Variants in UBR4 observed in about 807,000 individuals in gnomAD.
UBR4 encodes the protein ubiquitin protein ligase E3 component n-recognin 4, also known as E3 ubiquitin-protein ligase UBR4.
Under a neutral mutation model 575.6 loss-of-function variants are expected in UBR4, and 124 were observed. The observed-to-expected ratio is 0.22, with a 90% CI of 0.19 to 0.25. UBR4 has a LOEUF of 0.25. Among genes scored for constraint, UBR4 ranks in the 10% least tolerant of loss-of-function variants. The pLI is 1.00. For synonymous variants in UBR4, 2,455 were observed against 2,473.7 expected, an observed-to-expected ratio of 0.99 and a Z score of 0.22; for missense variants, 4,818 against 6,478.8, an observed-to-expected ratio of 0.74 and a Z score of 8.80.
intron 8 of UBR4, 75 bp downstream of exon 8, chr1:19,197,063 CAGG>C (rs2092500948): frequency 6.5e-7 from 1 of 1,541,436 alleles, no homozygotes; most frequent in Non-Finnish European, 8.8e-7. Context: ...GTAGAGTATT[CAGG>C]AGGATTTTCA....
intron 52 of UBR4, among the ~76,000 whole-genome samples, chr1:19,146,289 A>T (rs2084858846): frequency 1.3e-5 from 2 of 152,202 alleles, no homozygotes; most frequent in Non-Finnish European, 2.9e-5. Flanking sequence ...TATTAAAAGG[A>T]GGAACAGAAT....
In UBR4 at chr1:19,150,224, A is replaced by C. The variant is rs184463720; in HGVS notation, c.7430+353T>G. Reference sequence around the variant, plus strand: ...GAAAAGATGATGAGCTCAGAATGGAAGGGAGGATGTTTTCCTATCATTTCA... The same window carrying C: ...GAAAAGATGATGAGCTCAGAATGGACGGGAGGATGTTTTCCTATCATTTCA... On this transcript the variant is annotated intron_variant, in intron 49 of 105. Transcript: ENST00000375254. Among the ~76,000 whole-genome samples the C allele has an allele frequency of 4.6e-5, 7 of 152,284 alleles. No homozygotes were observed. The East Asian group carries it at 1.4e-3, about 30-fold the overall frequency.
At chr1:19,145,257 C>G (rs2084682667) in intron 53 of UBR4, among the ~76,000 whole-genome samples, 1 of 152,160 alleles carries the variant, frequency 6.6e-6, no homozygotes, top group African/African-American at 2.4e-5. Flanking sequence ...CAGGTGATGA[C>G]AAAACATGAC....
At chr1:19,078,314 G>T (rs182217805) in intron 103 of UBR4, 1 of 431,698 alleles carries the variant, frequency 2.3e-6, no homozygotes, top group Admixed American at 3.8e-5. Flanking sequence ...TCATCTTCCA[G>T]ATCAGGGTAA....
chr1:19,075,954 C>T (rs548688104), intron 105 of UBR4, among the ~76,000 whole-genome samples: 1 of 152,292 alleles, frequency 6.6e-6, no homozygotes, highest in South Asian at 2.1e-4. Context: ...GTTACCTGTG[C>T]GTTGGCTCTG....
Position 19,088,492 on chromosome 1 carries a change from G to A in UBR4, c.14430+267C>T, listed in dbSNP as rs952620635. Among the ~76,000 whole-genome samples, 3 of 152,174 alleles carry A rather than the reference G, an allele frequency of 2.0e-5. No individual in the cohort carries two copies. Among genetic ancestry groups the A allele is most frequent in the Non-Finnish European group, 2.9e-5 (2 of 68,040 alleles). On this transcript the variant is annotated intron_variant, in intron 98 of 105. Coordinates refer to ENST00000375254, the MANE Select transcript of UBR4 (RefSeq NM_020765.3). The surrounding 1 kb of genome is among the most constrained non-coding windows in gnomAD (Gnocchi z 4.0). ...CAATATCAACCTCCTAGAACTACTT[G>A]AGGGCTTAAATAAGTCCTCAATAAA...
intron 34 of UBR4, 92 bp downstream of exon 34, chr1:19,163,672 G>C (rs894193397): frequency 7.4e-7 from 1 of 1,359,346 alleles, no homozygotes; most frequent in African/African-American, 1.4e-5. Context: ...GCCAGGCACA[G>C]AACTCAATAG....
At chr1:19,078,470 G>C (rs2076175961) in intron 103 of UBR4, 1 of 170,068 alleles carries the variant, frequency 5.9e-6, no homozygotes, top group Admixed American at 5.7e-5. Flanking sequence ...AATGAGGTAG[G>C]AAACAAGGTT....
chr1:19,174,124 C>CA (rs893599655), intron 22 of UBR4, among the ~76,000 whole-genome samples, 195 bp downstream of exon 22: 38 of 152,036 alleles, frequency 2.5e-4, no homozygotes, highest in African/African-American at 8.0e-4. Context: ...CAATGGTAAC[C>CA]AAAAAAATGC....
intron 68 of UBR4, among the ~76,000 whole-genome samples, chr1:19,120,662 C>T (rs1326383823): frequency 1.3e-5 from 2 of 152,184 alleles, no homozygotes; most frequent in South Asian, 2.1e-4. Flanking sequence ...TACAGTGACA[C>T]TGGAGGAGGA....
Position 19,117,965 on chromosome 1 carries a change from G to A in UBR4, c.10542-55C>T. 1.9e-6 allele frequency: 3 copies of A among 1,550,450 alleles called. 1 individual carries two copies. The South Asian group carries it at 3.4e-5, about 17-fold the overall frequency. On this transcript the variant is annotated intron_variant, in intron 71 of 105. Transcript: ENST00000375254. This position sits in a 1 kb window ranked among gnomAD's most constrained non-coding sequence, Gnocchi z 4.0. ...ACATTTTCATCTTAGGAAGCACTGA[G>A]TTTCACAAAAAAATCATGACAAAGC...
At position 19,084,687 on chromosome 1, in the gene UBR4, TA is replaced by T; in HGVS notation, c.14824del (p.Tyr4942ThrfsTer48). 6.2e-7 allele frequency: 1 copy of T among 1,609,780 alleles called. No homozygotes were observed. The highest frequency in any genetic ancestry group is 8.5e-7 in the Non-Finnish European group (1 of 1,177,012). ...FATCLARHNT[Y>X]LQECTGQREP... ...CCGCTGGCCTGTACATTCCTGGAGG[TA>T]AGTGTTGTGTCTAGAGGGAAGCAGA... On this transcript the variant is annotated frameshift_variant, in exon 102 of 106. Coordinates refer to ENST00000375254, the MANE Select transcript of UBR4 (RefSeq NM_020765.3). LOFTEE classifies it high-confidence loss of function.
intron 15 of UBR4, among the ~76,000 whole-genome samples, chr1:19,184,779 T>C (rs2091361204): frequency 6.6e-6 from 1 of 152,108 alleles, no homozygotes; most frequent in Non-Finnish European, 1.5e-5. Context: ...ATAAATAGTC[T>C]CTCTTTAAGA....
Position 19,115,484 on chromosome 1 carries a change from C to T in UBR4, c.10977G>A (p.Gln3659=), listed in dbSNP as rs773485410. The change falls in exon 74 of 106, where the codon CAG becomes CAA. Residue 3659 remains glutamine (Q), a synonymous_variant. Transcript: ENST00000375254. ...ENYQASTETL[Q]CPRCSASVPA... ...GGACCGAGGCACTACAGCGAGGGCA[C>T]TGCAGGGTCTCTGTGGAGGCCTGGT... 12 of 1,614,102 alleles carry T rather than the reference C, an allele frequency of 7.4e-6. No individual in the cohort carries two copies. In the Admixed American group the frequency reaches 1.0e-4, roughly 13 times the overall value.
At chr1:19,169,338 T>C (rs2089124391) in intron 27 of UBR4, 97 bp downstream of exon 27, 2 of 974,092 alleles carry the variant, frequency 2.1e-6, no homozygotes, top group Non-Finnish European at 1.5e-6. Flanking sequence ...TGAAGATATC[T>C]TGGTAGCTAG....
At chr1:19,194,517 T>A (rs1177463652) in intron 8 of UBR4, among the ~76,000 whole-genome samples, 1 of 152,012 alleles carries the variant, frequency 6.6e-6, no homozygotes, top group African/African-American at 2.4e-5. Context: ...AATAAATAAT[T>A]AAGGCTGGGC....
intron 17 of UBR4, among the ~76,000 whole-genome samples, chr1:19,182,827 A>G (rs1358511628): frequency 6.6e-6 from 1 of 152,246 alleles, no homozygotes; most frequent in Admixed American, 6.5e-5. Context: ...TGAAAACATT[A>G]CATACAGCAT....
chr1:19,175,276 T>C (rs1404246686), intron 20 of UBR4, among the ~76,000 whole-genome samples: 1 of 152,076 alleles, frequency 6.6e-6, no homozygotes, highest in Non-Finnish European at 1.5e-5. Context: ...ACCAAAAATA[T>C]CTAGACATTG....
At chr1:19,118,033 C>T (rs2080740793) in intron 71 of UBR4, 123 bp from the exon 72 acceptor site, 2 of 837,136 alleles carry the variant, frequency 2.4e-6, no homozygotes, top group African/African-American at 1.7e-5. Flanking sequence ...GTGAGCCCCA[C>T]CCTAGTGAGA....
Sources: allele counts gnomAD v4.1 joint callset (sites outside exome capture counted in the v4.1 genomes callset), GRCh38; gene constraint gnomAD v4.1.1; non-coding constraint Gnocchi (gnomAD v3.1); transcripts MANE v1.5; gene names NCBI Gene and HGNC (gene_info 2026-07-23, HGNC 2026-07-21).